SMARCA2: variants seen among roughly 807,000 people sequenced by gnomAD.
SMARCA2 encodes the protein SWI/SNF-related matrix-associated actin-dependent regulator of chromatin subfamily A member 2.
Under a neutral mutation model 199.8 loss-of-function variants are expected in SMARCA2, and 61 were observed. The observed-to-expected ratio is 0.31, with a 90% CI of 0.25 to 0.38. The LOEUF (loss-of-function observed/expected upper bound fraction) is 0.38. Among genes scored for constraint, SMARCA2 ranks in the 10% least tolerant of loss-of-function variants. The pLI, the probability that SMARCA2 is intolerant of heterozygous loss-of-function variation, is 1.00. For missense variants in SMARCA2, 1,344 were observed against 2,012.2 expected (o/e 0.67, Z 6.35); for synonymous variants, 935 against 732.0 (o/e 1.28, Z -4.48).
chr9:2,073,826 C>G (rs1255474174), intron 12 of SMARCA2, among the ~76,000 whole-genome samples: 1 of 152,116 alleles, frequency 6.6e-6, no homozygotes, highest in Admixed American at 6.5e-5. Context: ...AAGGCCCTGG[C>G]TAATGGGGAA....
At position 2,170,279 on chromosome 9, in the gene SMARCA2, A is replaced by C; in HGVS notation, c.4200-140A>C. ...TTTTTCCGAATGAGGTTCCAAACATAACCCCGTGTAATCTTCCTAACAAGG... is the reference window on the plus strand; with the variant it reads ...TTTTTCCGAATGAGGTTCCAAACATCACCCCGTGTAATCTTCCTAACAAGG... On this transcript the variant is annotated intron_variant, in intron 28 of 33. Coordinates refer to ENST00000349721, the MANE Select transcript of SMARCA2 (RefSeq NM_003070.5). This position sits in a 1 kb window ranked among gnomAD's most constrained non-coding sequence, Gnocchi z 4.7. 1 of 993,364 alleles carries C rather than the reference A, an allele frequency of 1.0e-6. No individual in the cohort carries two copies. Among genetic ancestry groups the C allele is most frequent in the Non-Finnish European group, 1.5e-6 (1 of 677,670 alleles). 61.5% of individuals were successfully genotyped at this position (993,364 alleles called of 1,614,324 possible). A position where few individuals can be genotyped will look rare whatever the true frequency, so the allele number is the denominator to read the frequency against.
At position 2,047,519 on chromosome 9, in the gene SMARCA2, T is replaced by C. The variant is rs771624768; in HGVS notation, c.1046+35T>C. 1.0e-5 allele frequency: 14 copies of C among 1,348,726 alleles called. No homozygotes were observed. In the Middle Eastern group the frequency reaches 1.0e-3, roughly 97 times the overall value. 83.5% of individuals were successfully genotyped at this position (1,348,726 alleles called of 1,614,324 possible). On this transcript the variant is annotated intron_variant, in intron 5 of 33. Coordinates refer to ENST00000349721, the MANE Select transcript of SMARCA2 (RefSeq NM_003070.5). ...CCCGCCAGCAAGGGGCCCCCTGCGG[T>C]GTGCTAGCACCTGCCGCCCAAGCCG...
chr9:2,110,449 C>G lies in SMARCA2; in HGVS notation c.3456+32C>G. The G allele has an allele frequency of 6.6e-7, 1 of 1,526,518 alleles. No individual in the cohort carries two copies. Among genetic ancestry groups the G allele is most frequent in the African/African-American group, 1.4e-5 (1 of 71,726 alleles). The allele number at this position is 1,526,518 out of a possible 1,614,324, so 94.6% of individuals were successfully genotyped here. A position where few individuals can be genotyped will look rare whatever the true frequency, so the allele number is the denominator to read the frequency against. ...ATGTCCCACTCAGGTGCCCAGGCCTCCCTCTGGAGAGCAACTAAAAGATGA... is the reference window on the plus strand; with the variant it reads ...ATGTCCCACTCAGGTGCCCAGGCCTGCCTCTGGAGAGCAACTAAAAGATGA... On this transcript the variant is annotated intron_variant, in intron 24 of 33. Transcript: ENST00000349721. The surrounding 1 kb of genome is among the most constrained non-coding windows in gnomAD (Gnocchi z 4.8).
chr9:2,174,395 TCTCA>T (rs1826420782), intron 29 of SMARCA2, among the ~76,000 whole-genome samples: 1 of 152,158 alleles, frequency 6.6e-6, no homozygotes, highest in African/African-American at 2.4e-5. Flanking sequence ...AAAAAATCTG[TCTCA>T]CTCCTTTAGA....
At chr9:2,093,935 A>G (rs1822166101) in intron 19 of SMARCA2, among the ~76,000 whole-genome samples, 1 of 152,248 alleles carries the variant, frequency 6.6e-6, no homozygotes, top group African/African-American at 2.4e-5. Flanking sequence ...ATATGTTGGG[A>G]AAATGAGCTT....
At chr9:2,127,959 G>C (rs559311158) in intron 27 of SMARCA2, among the ~76,000 whole-genome samples, 1 of 130,754 alleles carries the variant, frequency 7.6e-6, no homozygotes, top group Admixed American at 6.8e-5. Context: ...TTCAAACACA[G>C]TTCAGTTTTT....
intron 24 of SMARCA2, among the ~76,000 whole-genome samples, chr9:2,112,285 G>T (rs115711124): frequency 6.6e-6 from 1 of 152,104 alleles, no homozygotes; most frequent in South Asian, 2.1e-4. Flanking sequence ...TTTTGAGGAC[G>T]ATCTATAGGT....
intron 27 of SMARCA2, among the ~76,000 whole-genome samples, chr9:2,143,773 T>A (rs1442327776): frequency 1.3e-5 from 2 of 152,166 alleles, no homozygotes; most frequent in African/African-American, 4.8e-5. Context: ...GTGATAAACT[T>A]GATTTGTGAT....
At chr9:2,074,439 A>G (rs1162149095) in intron 12 of SMARCA2, among the ~76,000 whole-genome samples, 3 of 152,326 alleles carry the variant, frequency 2.0e-5, no homozygotes, top group Non-Finnish European at 4.4e-5. Flanking sequence ...ATAGCTTACC[A>G]GGGTCTCAAG....
Position 2,029,158 on chromosome 9 carries a change from C to T in SMARCA2, c.136C>T (p.Pro46Ser), listed in dbSNP as rs1563716507. ...SPGSVHSMMG[P>S]SPGPPSVSHP... ...AGGTTCCGTCCACAGCATGATGGGG[C>T]CAAGTCCTGGACCTCCAAGTGTCTC... Residue 46 changes from proline to serine, a missense_variant, in exon 2 of 34, where the codon CCA (proline) becomes TCA (serine). Around this residue, in one of 18 missense-constraint regions of SMARCA2, gnomAD observed 275 missense variants for 247.5 expected, o/e 1.11. Transcript: ENST00000349721. The T allele has an allele frequency of 1.9e-6, 3 of 1,613,056 alleles. No individual in the cohort carries two copies. The South Asian group carries it at 3.3e-5, about 18-fold the overall frequency.
chr9:2,070,699 A>G (rs796314926), intron 10 of SMARCA2, among the ~76,000 whole-genome samples: 4 of 152,378 alleles, frequency 2.6e-5, no homozygotes, highest in African/African-American at 4.8e-5. Flanking sequence ...AATGTCTTGC[A>G]TAGTATTTCA....
chr9:2,159,883 G>A, intron 27 of SMARCA2: 1 of 1,611,880 alleles, frequency 6.2e-7, no homozygotes, highest in Non-Finnish European at 8.5e-7. Context: ...TGTGATTTCT[G>A]ATAGCCGGCC....
chr9:2,161,587 T>G lies in SMARCA2; in HGVS notation c.3982-99T>G, dbSNP rs551484027. On this transcript the variant is annotated intron_variant, in intron 27 of 33. Coordinates refer to ENST00000349721, the MANE Select transcript of SMARCA2 (RefSeq NM_003070.5). The surrounding 1 kb of genome is among the most constrained non-coding windows in gnomAD (Gnocchi z 4.7). ...TTTTTTTTGGTTAATTTCTTTCATTTTATTCTAATTGTTGGAGCTATATAT... is the reference window on the plus strand; with the variant it reads ...TTTTTTTTGGTTAATTTCTTTCATTGTATTCTAATTGTTGGAGCTATATAT... The G allele has an allele frequency of 3.1e-5, 25 of 799,852 alleles. No individual in the cohort carries two copies. In the South Asian group the frequency reaches 4.2e-4, roughly 14 times the overall value. The allele number at this position is 799,852 out of a possible 1,614,324, so 49.5% of individuals were successfully genotyped here. A position where few individuals can be genotyped will look rare whatever the true frequency, so the allele number is the denominator to read the frequency against.
intron 27 of SMARCA2, among the ~76,000 whole-genome samples, chr9:2,138,954 C>G (rs182132327): frequency 3.9e-5 from 6 of 152,220 alleles, no homozygotes; most frequent in Admixed American, 2.0e-4. Flanking sequence ...AAAATGCAGG[C>G]TTGACAACTA....
At chr9:2,160,084 G>A in intron 27 of SMARCA2, 1 of 760,376 alleles carries the variant, frequency 1.3e-6, no homozygotes, top group Non-Finnish European at 2.0e-6. Context: ...TTTATTATTA[G>A]CATGTTCAGC....
chr9:2,092,766 C>G (rs1454790562), intron 19 of SMARCA2, among the ~76,000 whole-genome samples: 1 of 152,274 alleles, frequency 6.6e-6, no homozygotes, highest in East Asian at 1.9e-4. Flanking sequence ...AAAAATAGCT[C>G]CAGTGGCTCT....
intron 5 of SMARCA2, among the ~76,000 whole-genome samples, chr9:2,050,946 T>G (rs1195294580): frequency 6.6e-6 from 1 of 152,224 alleles, no homozygotes; most frequent in Non-Finnish European, 1.5e-5. Context: ...GACCTAATTC[T>G]GCATCAATTT....
intron 2 of SMARCA2, among the ~76,000 whole-genome samples, chr9:2,030,087 C>T (rs984396921): frequency 2.0e-5 from 3 of 152,216 alleles, no homozygotes; most frequent in African/African-American, 7.2e-5. Context: ...AGGTTTTACA[C>T]TCCTTGGGAT....
chr9:2,088,238 C>T (rs960021550), intron 18 of SMARCA2, among the ~76,000 whole-genome samples: 1 of 152,168 alleles, frequency 6.6e-6, no homozygotes, highest in African/African-American at 2.4e-5. Context: ...GTTGACACTA[C>T]TGATAAAAAA....
Sources: gnomAD v4.1 joint callset for allele counts (sites outside exome capture counted in the v4.1 genomes callset) on GRCh38, gnomAD v4.1.1 for gene constraint, gnomAD v4.1.1 regional missense constraint, Gnocchi (gnomAD v3.1) non-coding constraint, MANE v1.5 for transcripts, NCBI Gene and HGNC (gene_info 2026-07-23, HGNC 2026-07-21) for gene names.